Variants in FAM171A1 observed in about 807,000 individuals in gnomAD.
The protein encoded by FAM171A1 is family with sequence similarity 171 member A1.
FAM171A1 carries 23 observed loss-of-function variants against 74.9 expected under a neutral mutation model. The observed-to-expected ratio is 0.31, with a 90% CI of 0.22 to 0.44. FAM171A1 has a LOEUF of 0.44. Ranked by LOEUF, FAM171A1 falls within the 20% of genes least tolerant of loss-of-function variation. The pLI, the probability that FAM171A1 is intolerant of heterozygous loss-of-function variation, is 1.00. For synonymous variants in FAM171A1, 527 were observed against 505.7 expected, an observed-to-expected ratio of 1.04 and a Z score of -0.57; for missense variants, 1,162 against 1,159.2, an observed-to-expected ratio of 1.00 and a Z score of -0.03.
chr10:15,317,373 C>T (rs893246643), intron 1 of FAM171A1, among the ~76,000 whole-genome samples: 1 of 152,006 alleles, frequency 6.6e-6, no homozygotes, highest in African/African-American at 2.4e-5. Flanking sequence ...AGTCTGGTTG[C>T]GCTCATATTT....
At chr10:15,253,013 T>G (rs1056020483) in intron 4 of FAM171A1, among the ~76,000 whole-genome samples, 7 of 150,812 alleles carry the variant, frequency 4.6e-5, no homozygotes, top group African/African-American at 7.3e-5. Flanking sequence ...TGTTTTTTTG[T>G]TTTTTTTTGA....
intron 3 of FAM171A1, among the ~76,000 whole-genome samples, chr10:15,271,173 C>T (rs1030006217): frequency 2.0e-5 from 3 of 152,048 alleles, no homozygotes; most frequent in Non-Finnish European, 2.9e-5. Context: ...GAATAAACAG[C>T]GTAGAGAAGA....
chr10:15,340,749 G>C (rs1267523934), intron 1 of FAM171A1, among the ~76,000 whole-genome samples: 1 of 152,224 alleles, frequency 6.6e-6, no homozygotes, highest in Non-Finnish European at 1.5e-5. Flanking sequence ...TTGATAGTGA[G>C]TGTATTTGGA....
rs1372456375 is a variant in FAM171A1, at chr10:15,248,787, T to G, written c.606A>C (p.Pro202=). 6 of 1,613,062 alleles carry G rather than the reference T, an allele frequency of 3.7e-6. 1 individual carries two copies. In the South Asian group the frequency reaches 6.6e-5, roughly 18 times the overall value. Residue 202 remains proline (P), a synonymous_variant, in exon 5 of 8, where the codon CCA becomes CCC. Transcript: ENST00000378116. ...TGNSTRHDLT[P]VTAVSVHLLS... ...GCAAGTGGACGCTGACGGCTGTGAC[T>G]GGGGTCAGGTCATGCCTGGTGCTGT...
At chr10:15,290,416 CT>C (rs1190283919) in intron 1 of FAM171A1, among the ~76,000 whole-genome samples, 1 of 152,126 alleles carries the variant, frequency 6.6e-6, no homozygotes, top group African/African-American at 2.4e-5. Flanking sequence ...CTTTAAAAGG[CT>C]GCAGTAAGGT....
At chr10:15,356,827 C>T (rs1835938164) in intron 1 of FAM171A1, among the ~76,000 whole-genome samples, 1 of 151,510 alleles carries the variant, frequency 6.6e-6, no homozygotes, top group East Asian at 1.9e-4. Context: ...AAAAATTGGC[C>T]AGGTGTGGTG....
intron 3 of FAM171A1, among the ~76,000 whole-genome samples, chr10:15,256,190 A>T (rs1834578667): frequency 6.6e-6 from 1 of 152,070 alleles, no homozygotes; most frequent in African/African-American, 2.4e-5. Flanking sequence ...GGTGGGCTTT[A>T]TCTCCACTCC....
chr10:15,349,724 A>C (rs996743778), intron 1 of FAM171A1, among the ~76,000 whole-genome samples: 57 of 152,290 alleles, frequency 3.7e-4, no homozygotes, highest in African/African-American at 1.4e-3. Context: ...CAATGTTCAT[A>C]ATCTCTTTCT....
In FAM171A1 at chr10:15,371,096, G is replaced by C. The variant is rs1283034220; in HGVS notation, c.-44C>G. 6 of 908,760 alleles carry C rather than the reference G, an allele frequency of 6.6e-6. No homozygotes were observed. In the Admixed American group the frequency reaches 2.5e-4, roughly 38 times the overall value. 56.3% of individuals were successfully genotyped at this position (908,760 alleles called of 1,614,324 possible). ...GGCGGCTCGGGCTCGCCGAGAGCGG[G>C]CCGGGCGGCGGCGCGTCACGGGCGG... On this transcript the variant is annotated 5_prime_UTR_variant, in exon 1 of 8. Transcript: ENST00000378116.
chr10:15,331,868 T>C lies in FAM171A1; in HGVS notation c.97+39088A>G, dbSNP rs1414129160. Among the ~76,000 whole-genome samples the C allele has an allele frequency of 1.4e-3, 72 of 50,964 alleles. 2 individuals are homozygous for C. Among genetic ancestry groups the C allele is most frequent in the Middle Eastern group, 9.8e-3 (1 of 102 alleles). The allele number at this position is 50,964 out of a possible 152,430, so 33.4% of individuals were successfully genotyped here. On this transcript the variant is annotated intron_variant, in intron 1 of 7. Transcript: ENST00000378116. Reference sequence around the variant, plus strand: ...GTGTATATATATGTGTGTATATATATGTGTGTGTATACATATATATATATA... The same window carrying C: ...GTGTATATATATGTGTGTATATATACGTGTGTGTATACATATATATATATA...
At chr10:15,225,552 C>T (rs575366150) in intron 5 of FAM171A1, among the ~76,000 whole-genome samples, 3 of 152,284 alleles carry the variant, frequency 2.0e-5, no homozygotes, top group Non-Finnish European at 2.9e-5. Flanking sequence ...CTTCTCATGG[C>T]GGAATCCTGA....
At chr10:15,308,203 A>G (rs892519098) in intron 1 of FAM171A1, among the ~76,000 whole-genome samples, 3 of 152,208 alleles carry the variant, frequency 2.0e-5, no homozygotes, top group African/African-American at 7.2e-5. Flanking sequence ...TGTCAGGCAC[A>G]CAATCTAACT....
chr10:15,226,638 C>T (rs754037644), intron 5 of FAM171A1, among the ~76,000 whole-genome samples: 1 of 152,154 alleles, frequency 6.6e-6, no homozygotes, highest in Non-Finnish European at 1.5e-5. Flanking sequence ...TTTCCTCCTG[C>T]TCTGTGAATG....
chr10:15,345,458 A>C lies in FAM171A1; in HGVS notation c.97+25498T>G, dbSNP rs1299454382. On this transcript the variant is annotated intron_variant, in intron 1 of 7. Coordinates refer to ENST00000378116, the MANE Select transcript of FAM171A1 (RefSeq NM_001010924.2). ...CAAAGGGGACAACACCTGATGCTTTAGGAAGAGTGAAAATGACTCCATTAA... is the reference window on the plus strand; with the variant it reads ...CAAAGGGGACAACACCTGATGCTTTCGGAAGAGTGAAAATGACTCCATTAA... Among the ~76,000 whole-genome samples the C allele has an allele frequency of 5.9e-5, 9 of 152,348 alleles. No individual in the cohort carries two copies. In the East Asian group the frequency reaches 1.7e-3, roughly 29 times the overall value.
intron 3 of FAM171A1, among the ~76,000 whole-genome samples, chr10:15,268,867 C>T (rs533616455): frequency 1.3e-5 from 2 of 152,254 alleles, no homozygotes; most frequent in African/African-American, 4.8e-5. Flanking sequence ...CATAGTGAAA[C>T]CCCATCTCTA....
At position 15,213,972 on chromosome 10, in the gene FAM171A1, C is replaced by CAA. The variant is rs755359286; in HGVS notation, c.1615_1616insTT (p.Cys539PhefsTer3). Reference sequence around the variant, plus strand: ...GTGATCTACTGATCGCGACATCATACATTCAGTGGGTCTGCGGTCCAGCAG... The same window carrying CAA: ...GTGATCTACTGATCGCGACATCATACAAATTCAGTGGGTCTGCGGTCCAGCAG... On this transcript the variant is annotated frameshift_variant, in exon 8 of 8. Transcript: ENST00000378116. LOFTEE classifies it high-confidence loss of function. This position sits in a 1 kb window ranked among gnomAD's most constrained non-coding sequence, Gnocchi z 6.8. 1 of 1,614,194 alleles carries CAA rather than the reference C, an allele frequency of 6.2e-7. No individual in the cohort carries two copies. The highest frequency in any genetic ancestry group is 1.1e-5 in the South Asian group (1 of 91,084).
At chr10:15,245,130 A>T (rs1429782635) in intron 5 of FAM171A1, among the ~76,000 whole-genome samples, 2 of 150,968 alleles carry the variant, frequency 1.3e-5, no homozygotes, top group Non-Finnish European at 3.0e-5. Flanking sequence ...TGGGGACGCT[A>T]TCTTGGCCCA....
chr10:15,320,982 C>T (rs1032698913), intron 1 of FAM171A1, among the ~76,000 whole-genome samples: 2 of 152,130 alleles, frequency 1.3e-5, no homozygotes, highest in Non-Finnish European at 2.9e-5. Flanking sequence ...GGATGTAACA[C>T]GGGTGAATGC....
rs149081481 is a variant in FAM171A1 at position 15,221,245 on chromosome 10, C to T, written c.755-185G>A. Among the ~76,000 whole-genome samples, 229 of 152,308 alleles carry T rather than the reference C, an allele frequency of 1.5e-3. 1 individual carries two copies. The highest frequency in any genetic ancestry group is 4.7e-3 in the African/African-American group (197 of 41,564). ...TTCTGGAGAAATTCTTTTCAATTTC[C>T]TTTCAGGGAAAGATAAGCAACTTTA... On this transcript the variant is annotated intron_variant, in intron 5 of 7. Transcript: ENST00000378116.
Sources: gnomAD v4.1 joint callset for allele counts (sites outside exome capture counted in the v4.1 genomes callset) on GRCh38, gnomAD v4.1.1 for gene constraint, Gnocchi (gnomAD v3.1) non-coding constraint, MANE v1.5 for transcripts, NCBI Gene and HGNC (gene_info 2026-07-23, HGNC 2026-07-21) for gene names.